Variants in ERC1 observed in about 807,000 individuals in gnomAD.
ERC1 encodes the protein ELKS/RAB6-interacting/CAST family member 1, also known as RAB6 interacting protein 2.
In ERC1, 56 loss-of-function variants were observed where a neutral mutation model predicts 132.0. That is an observed-to-expected ratio of 0.42 (90% CI 0.34 to 0.53). The LOEUF (loss-of-function observed/expected upper bound fraction) is 0.53. Among genes scored for constraint, ERC1 ranks in the 20% least tolerant of loss-of-function variants. The probability of loss-of-function intolerance (pLI) is 0.03; values close to 1 mark genes in which losing one functional copy is unlikely to be tolerated. For missense variants in ERC1, 1,202 were observed against 1,349.9 expected (o/e 0.89, Z 1.72); for synonymous variants, 478 against 476.1 (o/e 1.00, Z -0.05).
intron 1 of ERC1, among the ~76,000 whole-genome samples, chr12:1,003,365 T>A (rs1278024599): frequency 6.6e-6 from 1 of 152,196 alleles, no homozygotes; most frequent in Non-Finnish European, 1.5e-5. Flanking sequence ...AATTCTAAGA[T>A]CAATGTTATT....
At chr12:1,381,213 G>A (rs753588583) in intron 16 of ERC1, 18 of 152,188 alleles carry the variant, frequency 1.2e-4, no homozygotes, top group Non-Finnish European at 2.2e-4. Context: ...TTATCTCCTT[G>A]ATGGTGACTG....
intron 7 of ERC1, among the ~76,000 whole-genome samples, chr12:1,125,108 T>C (rs1948009128): frequency 6.6e-6 from 1 of 152,016 alleles, no homozygotes; most frequent in African/African-American, 2.4e-5. Context: ...GATTCTCCTG[T>C]CCCAGCCTCC....
At chr12:1,279,884 C>T (rs1237391467) in intron 14 of ERC1, among the ~76,000 whole-genome samples, 2 of 151,898 alleles carry the variant, frequency 1.3e-5, no homozygotes, top group Admixed American at 6.6e-5. Flanking sequence ...TTAGTAAAGA[C>T]GAGGTTTCAC....
At chr12:1,473,526 G>A (rs79068659) in intron 18 of ERC1, among the ~76,000 whole-genome samples, 1,587 of 151,682 alleles carry the variant, frequency 0.01, 31 homozygotes, top group African/African-American at 0.036. Flanking sequence ...GCTACTCAGC[G>A]GTCTAAGGCA....
chr12:1,457,509 G>A (rs576758353), intron 18 of ERC1, among the ~76,000 whole-genome samples: 6 of 151,992 alleles, frequency 3.9e-5, no homozygotes, highest in African/African-American at 9.7e-5. Flanking sequence ...CTAGGAGACC[G>A]TAAATATTGC....
intron 2 of ERC1, among the ~76,000 whole-genome samples, chr12:1,064,336 A>G (rs1052968174): frequency 2.0e-5 from 3 of 151,652 alleles, no homozygotes; most frequent in Non-Finnish European, 4.4e-5. Context: ...AAGCAATCCT[A>G]CCCACTCAGC....
In ERC1 at chr12:1,126,986, C is replaced by CAAAAAAAAAA. The variant is rs71055135; in HGVS notation, c.1569+10971_1569+10980dup. ...CTGGCGACAGAGTGAGATTCTGTCT[C>CAAAAAAAAAA]AAAAAAAAAAAAAAAAAAAAAAAAA... On this transcript the variant is annotated intron_variant, in intron 7 of 18. Coordinates refer to ENST00000360905, the MANE Select transcript of ERC1 (RefSeq NM_178040.4). Among the ~76,000 whole-genome samples, 1,000 of 113,836 alleles carry CAAAAAAAAAA rather than the reference C, an allele frequency of 8.8e-3. 32 individuals carry two copies. Among genetic ancestry groups the CAAAAAAAAAA allele is most frequent in the Non-Finnish European group, 0.012 (703 of 58,054 alleles). 74.7% of individuals were successfully genotyped at this position (113,836 alleles called of 152,430 possible).
chr12:1,105,776 A>AAT (rs1945195525), intron 4 of ERC1, among the ~76,000 whole-genome samples: 3 of 152,126 alleles, frequency 2.0e-5, no homozygotes, highest in African/African-American at 7.2e-5. Context: ...TGACGTGACA[A>AAT]ATATTAATAT....
At chr12:1,446,144 T>C (rs920346381) in intron 18 of ERC1, among the ~76,000 whole-genome samples, 3 of 152,340 alleles carry the variant, frequency 2.0e-5, no homozygotes, top group Admixed American at 6.5e-5. Flanking sequence ...TTCTGTTTAC[T>C]GTCACTTGTA....
rs142626306 is a variant in ERC1, at chr12:1,470,452, T to G, written c.3214-19641T>G. On this transcript the variant is annotated intron_variant, in intron 18 of 18. Coordinates refer to ENST00000360905, the MANE Select transcript of ERC1 (RefSeq NM_178040.4). Reference sequence around the variant, plus strand: ...TGTTTGGGTTTGGGGTTTTTTTTGTTTTTTTTTTTTCTTCATCTTCTCCCT... The same window carrying G: ...TGTTTGGGTTTGGGGTTTTTTTTGTGTTTTTTTTTTCTTCATCTTCTCCCT... 1.8e-3 allele frequency among the ~76,000 whole-genome samples: 270 copies of G among 150,738 alleles called. 3 individuals are homozygous for G. The highest frequency in any genetic ancestry group is 0.013 in the Admixed American group (198 of 15,132).
chr12:1,094,936 T>C lies in ERC1; in HGVS notation c.1087-9814T>C, dbSNP rs574143043. ...GTTGTCAGTATGATAAATTCAGAAA[T>C]TGAATCTGTGAAGGGACTTCCCGAA... On this transcript the variant is annotated intron_variant, in intron 3 of 18. Coordinates refer to ENST00000360905, the MANE Select transcript of ERC1 (RefSeq NM_178040.4). Among the ~76,000 whole-genome samples, 12 of 152,270 alleles carry C rather than the reference T, an allele frequency of 7.9e-5. No individual in the cohort carries two copies. The South Asian group carries it at 2.3e-3, about 29-fold the overall frequency.
intron 15 of ERC1, among the ~76,000 whole-genome samples, chr12:1,291,404 C>T (rs536427310): frequency 1.7e-3 from 258 of 152,274 alleles, no homozygotes; most frequent in African/African-American, 5.6e-3. Context: ...GGCAATGACA[C>T]TAGATTCTTC....
At chr12:1,032,688 T>C (rs1414281553) in intron 2 of ERC1, among the ~76,000 whole-genome samples, 1 of 152,214 alleles carries the variant, frequency 6.6e-6, no homozygotes, top group African/African-American at 2.4e-5. Flanking sequence ...AAATGATATA[T>C]GACAGCAGAG....
At chr12:1,316,902 G>C (rs932753966) in intron 15 of ERC1, among the ~76,000 whole-genome samples, 7 of 152,238 alleles carry the variant, frequency 4.6e-5, no homozygotes, top group Non-Finnish European at 1.0e-4. Context: ...GCTCATGCCT[G>C]TAATCCCAGC....
intron 17 of ERC1, among the ~76,000 whole-genome samples, chr12:1,432,508 A>G (rs1944081751): frequency 6.6e-6 from 1 of 151,726 alleles, no homozygotes; most frequent in African/African-American, 2.4e-5. Flanking sequence ...GTTACCAAGG[A>G]TAACTTGTCT....
At chr12:1,398,359 T>C (rs2090721181) in intron 16 of ERC1, among the ~76,000 whole-genome samples, 1 of 152,196 alleles carries the variant, frequency 6.6e-6, no homozygotes, top group Non-Finnish European at 1.5e-5. Flanking sequence ...AAGCATTATA[T>C]TGTTAGAGAA....
Position 1,141,717 on chromosome 12 carries a change from C to T in ERC1, c.1667C>T (p.Ala556Val). 1 of 1,613,150 alleles carries T rather than the reference C, an allele frequency of 6.2e-7. No homozygotes were observed. The highest frequency in any genetic ancestry group is 1.1e-5 in the South Asian group (1 of 90,926). The change falls in exon 8 of 19, where the codon GCT (alanine) becomes GTT (valine). Residue 556 changes from alanine to valine, a missense_variant. Physicochemically the swap from Ala to Val is moderately conservative, Grantham distance 64. Coordinates refer to ENST00000360905, the MANE Select transcript of ERC1 (RefSeq NM_178040.4). ...ATGGCTGAAGAGAAGGGGACACAAGCTGGAGAGATACATGACCTCAAGGAC... is the reference window on the plus strand; with the variant it reads ...ATGGCTGAAGAGAAGGGGACACAAGTTGGAGAGATACATGACCTCAAGGAC... ...QDMAEEKGTQ[A>V]GEIHDLKDML...
chr12:1,007,323 G>A (rs1291327843), intron 1 of ERC1, among the ~76,000 whole-genome samples: 2 of 152,172 alleles, frequency 1.3e-5, no homozygotes, highest in African/African-American at 4.8e-5. Context: ...TACAACAAAT[G>A]GTTAAGAGGA....
chr12:1,494,137 C>G lies in ERC1; in HGVS notation c.*3907C>G. On this transcript the variant is annotated 3_prime_UTR_variant, in exon 19 of 19. Coordinates refer to ENST00000360905, the MANE Select transcript of ERC1 (RefSeq NM_178040.4). ...GTGACACCACATGGCATTTCTCAAGCCCAGCGGACCCTGTGTCAGCAAATA... is the reference window on the plus strand; with the variant it reads ...GTGACACCACATGGCATTTCTCAAGGCCAGCGGACCCTGTGTCAGCAAATA... 4.3e-6 allele frequency: 1 copy of G among 232,174 alleles called. No individual in the cohort carries two copies. The highest frequency in any genetic ancestry group is 6.1e-5 in the East Asian group (1 of 16,416). The allele number at this position is 232,174 out of a possible 1,614,324, so 14.4% of individuals were successfully genotyped here. A position where few individuals can be genotyped will look rare whatever the true frequency, so the allele number is the denominator to read the frequency against.
Sources: allele counts gnomAD v4.1 joint callset (sites outside exome capture counted in the v4.1 genomes callset), GRCh38; gene constraint gnomAD v4.1.1; transcripts MANE v1.5; gene names NCBI Gene and HGNC (gene_info 2026-07-23, HGNC 2026-07-21).